PYY: variants seen among roughly 807,000 people sequenced by gnomAD.
The protein encoded by PYY is peptide tyrosine tyrosine.
Under a neutral mutation model 10.3 loss-of-function variants are expected in PYY, and 12 were observed. The observed-to-expected ratio is 1.17, with a 90% confidence interval of 0.75 to 1.89. The LOEUF is 1.89. Among genes scored for constraint, PYY ranks in the 40% most tolerant of loss-of-function variants. The pLI, the probability that PYY is intolerant of heterozygous loss-of-function variation, is 0.00. For synonymous variants in PYY, 66 were observed against 62.0 expected (o/e 1.06, Z -0.30); for missense variants, 141 against 134.0 (o/e 1.05, Z -0.26).
intron 1 of PYY, among the ~76,000 whole-genome samples, chr17:44,000,426 C>T (rs1054722171): frequency 6.6e-6 from 1 of 151,992 alleles, no homozygotes; most frequent in Non-Finnish European, 1.5e-5. Context: ...CTGTGCTACT[C>T]TGGGTGTGTC....
chr17:43,971,296 G>A (rs568281766), intron 1 of PYY, among the ~76,000 whole-genome samples: 6 of 152,252 alleles, frequency 3.9e-5, no homozygotes, highest in South Asian at 2.1e-4. Flanking sequence ...CCGGCCAAGC[G>A]TGGTGGCTCA....
intron 2 of PYY, among the ~76,000 whole-genome samples, chr17:43,963,582 G>GAA (rs1555617097): frequency 2.6e-4 from 19 of 73,852 alleles, no homozygotes; most frequent in East Asian, 1.5e-3. Context: ...AAGAAAGAAA[G>GAA]AAAGAAAGAA....
intron 1 of PYY, among the ~76,000 whole-genome samples, chr17:43,966,785 C>T (rs977993506): frequency 6.6e-6 from 1 of 152,206 alleles, no homozygotes; most frequent in Non-Finnish European, 1.5e-5. Flanking sequence ...TGTTTCTTCA[C>T]TGATATATCC....
chr17:43,978,723 A>G (rs2048864684), intron 1 of PYY, among the ~76,000 whole-genome samples: 1 of 152,202 alleles, frequency 6.6e-6, no homozygotes, highest in African/African-American at 2.4e-5. Flanking sequence ...TCACAGTCAC[A>G]TCCATTTTTA....
chr17:43,969,898 G>A (rs58623149), intron 1 of PYY, among the ~76,000 whole-genome samples: 18 of 151,528 alleles, frequency 1.2e-4, no homozygotes, highest in African/African-American at 2.2e-4. Flanking sequence ...GCCCGCCACC[G>A]CACCCGGCTA....
intron 1 of PYY, among the ~76,000 whole-genome samples, chr17:43,995,867 G>A (rs1348230126): frequency 6.7e-6 from 1 of 148,976 alleles, no homozygotes; most frequent in Non-Finnish European, 1.5e-5. Context: ...AGAAATGCAG[G>A]CATGCAGGCG....
upstream of PYY, among the ~76,000 whole-genome samples, chr17:43,954,154 GGGTACCC>G (rs1029213647): frequency 9.2e-5 from 14 of 152,164 alleles, no homozygotes; most frequent in African/African-American, 3.4e-4. Flanking sequence ...TCACTGGATG[GGGTACCC>G]AGCCTGAACC....
intron 2 of PYY, 46 bp downstream of exon 2, chr17:43,953,250 C>T: frequency 6.2e-7 from 1 of 1,608,454 alleles, no homozygotes; most frequent in Non-Finnish European, 8.5e-7. Flanking sequence ...TGGAGCGGGG[C>T]CGCAGGGTGA....
At chr17:43,993,044 C>A (rs529420269) in intron 1 of PYY, among the ~76,000 whole-genome samples, 182 of 152,084 alleles carry the variant, frequency 1.2e-3, no homozygotes, top group Non-Finnish European at 2.0e-3. Flanking sequence ...CCGGGCGCTG[C>A]GACGCACACC....
rs147867066 is a variant in PYY, at chr17:43,993,580, C to T, written c.-463+10811G>A. 9.4e-4 allele frequency among the ~76,000 whole-genome samples: 143 copies of T among 151,410 alleles called. 2 individuals carry two copies. The highest frequency in any genetic ancestry group is 3.3e-3 in the African/African-American group (136 of 41,252). ...GGCAGAGGCTGCAATGAGCTGATAT[C>T]GTGCCACTGCACTCCAGCCTGGGCA... is the stretch of plus-strand genomic sequence containing the variant. On this transcript the variant is annotated intron_variant, in intron 1 of 6. Transcript: ENST00000360085.
chr17:43,984,555 A>G, intron 1 of PYY, among the ~76,000 whole-genome samples: 1 of 152,184 alleles, frequency 6.6e-6, no homozygotes, highest in East Asian at 1.9e-4. Flanking sequence ...TTACTTAGAG[A>G]GGCTGGAAAC....
At chr17:43,986,961 A>G (rs568655206) in intron 1 of PYY, among the ~76,000 whole-genome samples, 2 of 152,320 alleles carry the variant, frequency 1.3e-5, no homozygotes, top group Admixed American at 1.3e-4. Flanking sequence ...TCATAGGGAA[A>G]CTGAGGCTCA....
Position 44,001,183 on chromosome 17 carries a change from C to T in PYY, c.-463+3208G>A, listed in dbSNP as rs370321218. Among the ~76,000 whole-genome samples, 177 of 152,234 alleles carry T rather than the reference C, an allele frequency of 1.2e-3. 3 individuals are homozygous for T. The highest frequency in any genetic ancestry group is 4.1e-3 in the African/African-American group (171 of 41,524). Reference sequence around the variant, plus strand: ...TGGCCAATTCCTGTCACATTCATGCCCTGCTGGGCTGAGATGCGGCCAAGA... The same window carrying T: ...TGGCCAATTCCTGTCACATTCATGCTCTGCTGGGCTGAGATGCGGCCAAGA... On this transcript the variant is annotated intron_variant, in intron 1 of 6. Transcript: ENST00000360085.
intron 1 of PYY, among the ~76,000 whole-genome samples, chr17:43,976,225 A>G (rs12938493): frequency 0.81 from 86,820 of 106,864 alleles, 36,143 homozygotes; most frequent in East Asian, 0.99. Flanking sequence ...ATGTATACAT[A>G]TATACATATG....
In PYY at chr17:43,987,474, A is replaced by G. The variant is rs1308176390; in HGVS notation, c.-463+16917T>C. ...CAGCCTCTCAGCCTCCCTGCTACTGATGGAATTCAGCTCGAAGATCAGACC... is the reference window on the plus strand; with the variant it reads ...CAGCCTCTCAGCCTCCCTGCTACTGGTGGAATTCAGCTCGAAGATCAGACC... On this transcript the variant is annotated intron_variant, in intron 1 of 6. Transcript: ENST00000360085. This position sits in a 1 kb window ranked among gnomAD's most constrained non-coding sequence, Gnocchi z 4.0. Among the ~76,000 whole-genome samples, 1 of 152,126 alleles carries G rather than the reference A, an allele frequency of 6.6e-6. No homozygotes were observed. The highest frequency in any genetic ancestry group is 1.5e-5 in the Non-Finnish European group (1 of 68,000).
intron 1 of PYY, 85 bp from the exon 2 acceptor site, chr17:43,953,568 C>T: frequency 7.8e-7 from 1 of 1,290,136 alleles, no homozygotes; most frequent in Non-Finnish European, 1.0e-6. Flanking sequence ...GGGCCGCGCT[C>T]CGACGCTCTC....
intron 2 of PYY, among the ~76,000 whole-genome samples, chr17:43,963,571 AAAGAAAGAAAG>A (rs1188156123): frequency 3.2e-3 from 92 of 28,578 alleles, no homozygotes; most frequent in African/African-American, 0.012. Flanking sequence ...GAAGGAAGGA[AAAGAAAGAAAG>A]AAAGAAAGAA....
intron 1 of PYY, among the ~76,000 whole-genome samples, chr17:43,969,843 A>G (rs528582180): frequency 1.3e-5 from 2 of 151,476 alleles, no homozygotes; most frequent in Non-Finnish European, 2.9e-5. Context: ...TCCTGGGTTC[A>G]AGCAATTCTC....
intron 2 of PYY, among the ~76,000 whole-genome samples, chr17:43,963,786 A>G (rs563691876): frequency 1.3e-5 from 2 of 149,812 alleles, no homozygotes; most frequent in East Asian, 3.9e-4. Context: ...TGGGCAACAT[A>G]AAGAGACCCT....
Sources: allele counts gnomAD v4.1 joint callset (sites outside exome capture counted in the v4.1 genomes callset), GRCh38; gene constraint gnomAD v4.1.1; non-coding constraint Gnocchi (gnomAD v3.1); transcripts MANE v1.5; gene names NCBI Gene and HGNC (gene_info 2026-07-23, HGNC 2026-07-21).